Variants in DNAH14 observed in about 807,000 individuals in gnomAD.
DNAH14 encodes the protein axonemal beta dynein heavy chain 14.
A neutral mutation model predicts 520.9 loss-of-function variants in DNAH14; 478 were observed. The observed-to-expected ratio is 0.92, with a 90% CI of 0.85 to 0.99. The LOEUF is 0.99. Ranked by LOEUF, DNAH14 falls within the 50% of genes least tolerant of loss-of-function variation. The probability of loss-of-function intolerance (pLI) is 0.00; values close to 1 mark genes in which losing one functional copy is unlikely to be tolerated. For synonymous variants in DNAH14, 1,581 were observed against 1,757.2 expected, an observed-to-expected ratio of 0.90 and a Z score of 2.51; for missense variants, 4,831 against 5,234.5, an observed-to-expected ratio of 0.92 and a Z score of 2.38.
At chr1:225,089,029 T>A (rs945545144) in intron 21 of DNAH14, among the ~76,000 whole-genome samples, 1 of 152,114 alleles carries the variant, frequency 6.6e-6, no homozygotes, top group African/African-American at 2.4e-5. Context: ...TTAATTTCAT[T>A]TAAGGAAGAA....
At chr1:225,217,404 G>A (rs1224831445) in intron 41 of DNAH14, among the ~76,000 whole-genome samples, 1 of 152,106 alleles carries the variant, frequency 6.6e-6, no homozygotes, top group African/African-American at 2.4e-5. Flanking sequence ...CTCCATGCTG[G>A]GAGAAGCACT....
chr1:225,196,915 C>T (rs953908507), intron 38 of DNAH14, among the ~76,000 whole-genome samples: 41 of 151,356 alleles, frequency 2.7e-4, no homozygotes, highest in African/African-American at 1.0e-3. Context: ...CTTGCTAATT[C>T]ACTTGAGTTT....
At chr1:225,053,175 C>A (rs2068707109) in intron 17 of DNAH14, among the ~76,000 whole-genome samples, 1 of 152,022 alleles carries the variant, frequency 6.6e-6, no homozygotes, top group Admixed American at 6.6e-5. Flanking sequence ...CATGGTACCC[C>A]ACACAAATTC....
chr1:225,118,248 T>C (rs2077019191), intron 25 of DNAH14: 1 of 516,654 alleles, frequency 1.9e-6, no homozygotes, highest in African/African-American at 1.9e-5. Context: ...TTACATTTTG[T>C]TCTGTCATTA....
chr1:225,069,033 G>T (rs2071238873), intron 17 of DNAH14, among the ~76,000 whole-genome samples: 1 of 1,190 alleles, frequency 8.4e-4, no homozygotes, highest in Admixed American at 2.6e-3. Context: ...AGTGAGCCGA[G>T]ATCCCGCCAC....
chr1:225,218,673 GAGACCGACAAAC>G (rs2089702999), intron 41 of DNAH14, among the ~76,000 whole-genome samples: 1 of 152,016 alleles, frequency 6.6e-6, no homozygotes, highest in African/African-American at 2.4e-5. Context: ...CAAGTTCTTA[GAGACCGACAAAC>G]AGACTTAGAC....
intron 22 of DNAH14, among the ~76,000 whole-genome samples, chr1:225,098,499 AAT>A (rs767014010): frequency 1.7e-4 from 26 of 152,356 alleles, no homozygotes; most frequent in Non-Finnish European, 2.1e-4. Flanking sequence ...AATCTTGAAT[AAT>A]ATGTCAAGTA....
At chr1:225,035,859 T>G (rs1299214495) in intron 11 of DNAH14, among the ~76,000 whole-genome samples, 2 of 152,222 alleles carry the variant, frequency 1.3e-5, no homozygotes, top group Non-Finnish European at 2.9e-5. Context: ...TGGTTTTTTC[T>G]GCATATTAAG....
rs2065894713 is a variant in DNAH14 at position 225,023,800 on chromosome 1, G to A, written c.1293G>A (p.Leu431=). 2 of 1,549,110 alleles carry A rather than the reference G, an allele frequency of 1.3e-6. No individual in the cohort carries two copies. The highest frequency in any genetic ancestry group is 2.7e-5 in the African/African-American group (2 of 72,904). The change falls in exon 11 of 86, where the codon TTG becomes TTA. Residue 431 remains leucine, a synonymous_variant. Transcript: ENST00000682510. ...QLMNTAVTLL[L]ELFNGSAGMP... is the part of the protein sequence containing the mutation. Reference sequence around the variant, plus strand: ...TGAACACTGCAGTCACACTACTTTTGGAATTATTTAATGGTTCTGCTGGAA... The same window carrying A: ...TGAACACTGCAGTCACACTACTTTTAGAATTATTTAATGGTTCTGCTGGAA...
rs182755962 is a variant in DNAH14, at chr1:225,356,795, G to A, written c.11620-1701G>A. 6.2e-4 allele frequency among the ~76,000 whole-genome samples: 94 copies of A among 152,196 alleles called. 1 individual carries two copies. Among genetic ancestry groups the A allele is most frequent in the African/African-American group, 2.0e-3 (84 of 41,524 alleles). On this transcript the variant is annotated intron_variant, in intron 73 of 85. Coordinates refer to ENST00000682510, the MANE Select transcript of DNAH14 (RefSeq NM_001367479.1). ...TTTTGCATTGCTTGAATTTTATGTAGCAAGGATGAATTACCTGAAAAACAA... is the reference window on the plus strand; with the variant it reads ...TTTTGCATTGCTTGAATTTTATGTAACAAGGATGAATTACCTGAAAAACAA...
intron 27 of DNAH14, among the ~76,000 whole-genome samples, chr1:225,129,017 C>T (rs2078081891): frequency 6.6e-6 from 1 of 152,030 alleles, no homozygotes. Flanking sequence ...TTCTTATACA[C>T]CAATAACAGA....
At chr1:224,998,312 G>A (rs894146938) in intron 8 of DNAH14, among the ~76,000 whole-genome samples, 4 of 151,550 alleles carry the variant, frequency 2.6e-5, no homozygotes, top group Non-Finnish European at 4.4e-5. Flanking sequence ...TCTTTCCTCT[G>A]TTTGCTTTGG....
At chr1:225,358,370 C>A in intron 73 of DNAH14, 126 bp from the exon 74 acceptor site, 1 of 857,180 alleles carries the variant, frequency 1.2e-6, no homozygotes, top group Non-Finnish European at 1.7e-6. Context: ...TAAGCTTCCT[C>A]AACAGGAAAA....
In DNAH14 at chr1:225,168,011, T is replaced by C; in HGVS notation, c.5518T>C (p.Phe1840Leu). Residue 1840 changes from phenylalanine (F) to leucine (L), a missense_variant, in exon 36 of 86, where the codon TTT (phenylalanine) becomes CTT (leucine). By Grantham distance (22) the Phe-to-Leu change is conservative (BLOSUM62 0). Coordinates refer to ENST00000682510, the MANE Select transcript of DNAH14 (RefSeq NM_001367479.1). ...WSSQKEKIIQ[F>L]YNQLQVCVGV... ...ATCTCAGAAAGAGAAGATTATACAG[T>C]TTTATAATCAACTTCAGGTAAGTAT... The C allele has an allele frequency of 1.3e-6, 2 of 1,529,516 alleles. No homozygotes were observed. Among genetic ancestry groups the C allele is most frequent in the Non-Finnish European group, 1.8e-6 (2 of 1,133,120 alleles). 94.7% of individuals were successfully genotyped at this position (1,529,516 alleles called of 1,614,324 possible).
At chr1:225,286,186 AT>A (rs1341486489) in intron 54 of DNAH14, among the ~76,000 whole-genome samples, 2 of 152,190 alleles carry the variant, frequency 1.3e-5, no homozygotes, top group African/African-American at 4.8e-5. Flanking sequence ...AGTTTAGTTA[AT>A]TAATACAAAA....
intron 6 of DNAH14, among the ~76,000 whole-genome samples, chr1:224,968,092 A>G (rs959505803): frequency 1.3e-5 from 2 of 152,192 alleles, no homozygotes; most frequent in African/African-American, 4.8e-5. Flanking sequence ...AATGAACTTT[A>G]TTAGTGGGCA....
intron 27 of DNAH14, among the ~76,000 whole-genome samples, chr1:225,138,951 G>A (rs1053074970): frequency 2.0e-5 from 3 of 151,880 alleles, no homozygotes; most frequent in Admixed American, 1.3e-4. Context: ...GCTTCTAATC[G>A]GTCATCTTAA....
intron 66 of DNAH14, among the ~76,000 whole-genome samples, chr1:225,335,894 C>CAT (rs1454758013): frequency 5.1e-5 from 5 of 98,252 alleles, no homozygotes; most frequent in Non-Finnish European, 1.1e-4. Context: ...TGTACATATA[C>CAT]ATACATATAT....
chr1:224,991,348 GC>G (rs2125760476), intron 8 of DNAH14, among the ~76,000 whole-genome samples: 1 of 149,736 alleles, frequency 6.7e-6, no homozygotes, highest in Admixed American at 6.7e-5. Context: ...CTTGTGATCT[GC>G]CTGCCTTGGC....
Sources: gnomAD v4.1 joint callset for allele counts (sites outside exome capture counted in the v4.1 genomes callset) on GRCh38, gnomAD v4.1.1 for gene constraint, MANE v1.5 for transcripts, NCBI Gene and HGNC (gene_info 2026-07-23, HGNC 2026-07-21) for gene names.